GABRB1: variants seen among roughly 807,000 people sequenced by gnomAD.
GABRB1 encodes gamma-aminobutyric acid receptor subunit beta-1.
A neutral mutation model predicts 51.6 loss-of-function variants in GABRB1; 17 were observed. That is an observed-to-expected ratio of 0.33 (90% CI 0.23 to 0.49). The LOEUF is 0.49. Among genes scored for constraint, GABRB1 ranks in the 20% least tolerant of loss-of-function variants. The pLI is 0.99. For missense variants in GABRB1, 410 were observed against 600.6 expected, an observed-to-expected ratio of 0.68 and a Z score of 3.32; for synonymous variants, 247 against 218.9, an observed-to-expected ratio of 1.13 and a Z score of -1.14.
chr4:47,366,488 T>C (rs1253744998), intron 5 of GABRB1, among the ~76,000 whole-genome samples: 1 of 152,180 alleles, frequency 6.6e-6, no homozygotes, highest in African/African-American at 2.4e-5. Flanking sequence ...CCACTGGTTT[T>C]TAAAAGCCTC....
chr4:47,271,578 A>AT (rs1219129652), intron 4 of GABRB1, among the ~76,000 whole-genome samples: 1 of 152,198 alleles, frequency 6.6e-6, no homozygotes, highest in Non-Finnish European at 1.5e-5. Flanking sequence ...CACAAATGCT[A>AT]TAAACCCCAG....
chr4:47,041,938 A>G (rs920011065), intron 3 of GABRB1, among the ~76,000 whole-genome samples: 1 of 152,062 alleles, frequency 6.6e-6, no homozygotes, highest in African/African-American at 2.4e-5. Context: ...CAGTCTTACC[A>G]GAGAGAATTA....
chr4:47,308,560 C>T (rs1724551513), intron 4 of GABRB1, among the ~76,000 whole-genome samples: 1 of 151,994 alleles, frequency 6.6e-6, no homozygotes, highest in East Asian at 1.9e-4. Context: ...TTACTTTACT[C>T]CTTGAGGAAT....
chr4:47,272,586 T>G (rs771704194), intron 4 of GABRB1, among the ~76,000 whole-genome samples: 3 of 152,184 alleles, frequency 2.0e-5, no homozygotes, highest in Non-Finnish European at 4.4e-5. Flanking sequence ...AAAATAATTT[T>G]GATCTATAGA....
intron 3 of GABRB1, among the ~76,000 whole-genome samples, chr4:47,085,458 C>A (rs774750155): frequency 6.6e-6 from 1 of 152,140 alleles, no homozygotes; most frequent in Non-Finnish European, 1.5e-5. Context: ...TTAATTTCTG[C>A]GCTCATCAAC....
intron 3 of GABRB1, among the ~76,000 whole-genome samples, chr4:47,115,691 A>T (rs1715447070): frequency 6.6e-6 from 1 of 152,044 alleles, no homozygotes; most frequent in African/African-American, 2.4e-5. Context: ...GCAAATTAGT[A>T]AACTGGTAAA....
intron 4 of GABRB1, among the ~76,000 whole-genome samples, chr4:47,176,890 T>A (rs1260173241): frequency 2.0e-5 from 3 of 152,092 alleles, no homozygotes; most frequent in Non-Finnish European, 4.4e-5. Context: ...TTTCTTAAGA[T>A]AGACAGTCAC....
In GABRB1 at chr4:47,406,671, C is replaced by T; in HGVS notation, c.836-11C>T. The T allele has an allele frequency of 1.2e-6, 2 of 1,613,968 alleles. No homozygotes were observed. Among genetic ancestry groups the T allele is most frequent in the Non-Finnish European group, 8.5e-7 (1 of 1,179,862 alleles). On this transcript the variant is annotated splice_polypyrimidine_tract_variant and intron_variant, in intron 7 of 8. Coordinates refer to ENST00000295454, the MANE Select transcript of GABRB1 (RefSeq NM_000812.4). Reference sequence around the variant, plus strand: ...GCACCTTCAGCTAAGTGTTGTCTTTCTCTTTCACAGGAATCACGACAGTGC... The same window carrying T: ...GCACCTTCAGCTAAGTGTTGTCTTTTTCTTTCACAGGAATCACGACAGTGC...
chr4:47,337,353 A>G (rs902384271), intron 5 of GABRB1, among the ~76,000 whole-genome samples: 8 of 152,266 alleles, frequency 5.3e-5, no homozygotes, highest in African/African-American at 1.9e-4. Flanking sequence ...TGGATAAGCT[A>G]TGTTTGTAAG....
chr4:47,227,824 C>A (rs954993689), intron 4 of GABRB1, among the ~76,000 whole-genome samples: 1 of 152,134 alleles, frequency 6.6e-6, no homozygotes, highest in Admixed American at 6.6e-5. Context: ...TGAGGACACT[C>A]TCTTTGCCTT....
intron 8 of GABRB1, among the ~76,000 whole-genome samples, chr4:47,424,197 G>A (rs1276901464): frequency 6.6e-6 from 1 of 152,194 alleles, no homozygotes; most frequent in Admixed American, 6.5e-5. Flanking sequence ...ACAAAGGCCA[G>A]GGACTGTGAT....
intron 1 of GABRB1, among the ~76,000 whole-genome samples, chr4:47,005,343 G>A (rs939674917): frequency 1.3e-5 from 2 of 152,284 alleles, no homozygotes; most frequent in South Asian, 2.1e-4. Flanking sequence ...GCGTGAACCC[G>A]AGAGGCGGAG....
chr4:47,158,416 C>G (rs1278799868), intron 3 of GABRB1, among the ~76,000 whole-genome samples: 1 of 151,964 alleles, frequency 6.6e-6, no homozygotes, highest in Non-Finnish European at 1.5e-5. Context: ...AAAATTTACT[C>G]TTACCAATTT....
At chr4:47,057,459 T>A (rs1223764483) in intron 3 of GABRB1, among the ~76,000 whole-genome samples, 1 of 152,170 alleles carries the variant, frequency 6.6e-6, no homozygotes, top group African/African-American at 2.4e-5. Context: ...TTAGAAACCA[T>A]CAGAAGAGAA....
At chr4:47,356,240 G>A (rs1452550323) in intron 5 of GABRB1, among the ~76,000 whole-genome samples, 1 of 150,922 alleles carries the variant, frequency 6.6e-6, no homozygotes, top group African/African-American at 2.4e-5. Flanking sequence ...TTCATACAAA[G>A]CAGAAACTGA....
At chr4:47,318,854 T>C (rs1309569208) in intron 4 of GABRB1, among the ~76,000 whole-genome samples, 1 of 152,138 alleles carries the variant, frequency 6.6e-6, no homozygotes, top group Non-Finnish European at 1.5e-5. Flanking sequence ...TAATCATAAG[T>C]TAAACAACAC....
chr4:47,080,061 T>C (rs1727760186), intron 3 of GABRB1, among the ~76,000 whole-genome samples: 2 of 152,074 alleles, frequency 1.3e-5, no homozygotes, highest in African/African-American at 4.8e-5. Flanking sequence ...AAAGAGCTTA[T>C]TTCAAGCAAT....
chr4:47,046,114 G>A (rs554674062), intron 3 of GABRB1, among the ~76,000 whole-genome samples: 3 of 151,986 alleles, frequency 2.0e-5, no homozygotes, highest in Non-Finnish European at 4.4e-5. Context: ...TTCTCTCTCC[G>A]GCCACTCTGT....
intron 4 of GABRB1, among the ~76,000 whole-genome samples, chr4:47,318,095 G>A (rs1185758037): frequency 2.0e-5 from 3 of 151,954 alleles, no homozygotes; most frequent in African/African-American, 7.2e-5. Flanking sequence ...TTGAGTTTGA[G>A]TCTTAACTTT....
Sources: gnomAD v4.1 joint callset for allele counts (sites outside exome capture counted in the v4.1 genomes callset) on GRCh38, gnomAD v4.1.1 for gene constraint, MANE v1.5 for transcripts, NCBI Gene and HGNC (gene_info 2026-07-23, HGNC 2026-07-21) for gene names.